LRRIQ3: variants seen among roughly 807,000 people sequenced by gnomAD.
LRRIQ3 encodes the protein leucine rich repeats and IQ motif containing 3.
A neutral mutation model predicts 59.3 loss-of-function variants in LRRIQ3; 75 were observed. The ratio of observed to expected loss-of-function variants is 1.26; its 90% confidence interval spans 1.05 to 1.53. LRRIQ3 has a LOEUF of 1.53. LRRIQ3 is among the 40% of genes most tolerant of loss of function. The pLI, the probability that LRRIQ3 is intolerant of heterozygous loss-of-function variation, is 0.00. For synonymous variants in LRRIQ3, 250 were observed against 231.3 expected, an observed-to-expected ratio of 1.08 and a Z score of -0.73; for missense variants, 831 against 710.0, an observed-to-expected ratio of 1.17 and a Z score of -1.94.
At chr1:74,156,252 C>T (rs1648320443) in intron 3 of LRRIQ3, among the ~76,000 whole-genome samples, 1 of 152,250 alleles carries the variant, frequency 6.6e-6, no homozygotes, top group South Asian at 2.1e-4. Context: ...CATTCACCTT[C>T]CACCATGATT....
chr1:74,066,591 G>A (rs1654873841), intron 6 of LRRIQ3, among the ~76,000 whole-genome samples: 2 of 152,232 alleles, frequency 1.3e-5, no homozygotes, highest in African/African-American at 2.4e-5. Flanking sequence ...GGAAAATTGA[G>A]TATACACATG....
intron 5 of LRRIQ3, among the ~76,000 whole-genome samples, chr1:74,075,694 G>A (rs753527179): frequency 1.3e-5 from 2 of 152,178 alleles, no homozygotes; most frequent in Non-Finnish European, 2.9e-5. Context: ...AACTGGTTGG[G>A]ATGTTTTAGT....
intron 4 of LRRIQ3, among the ~76,000 whole-genome samples, chr1:74,123,263 T>C (rs987750735): frequency 2.0e-5 from 3 of 152,052 alleles, no homozygotes; most frequent in Non-Finnish European, 4.4e-5. Context: ...TAATGGGGTA[T>C]CCATCACCTC....
intron 5 of LRRIQ3, among the ~76,000 whole-genome samples, chr1:74,098,738 G>C (rs1255428946): frequency 1.3e-5 from 2 of 152,156 alleles, no homozygotes; most frequent in African/African-American, 4.8e-5. Context: ...CTGGAACTCA[G>C]CATTCAGAAA....
At chr1:74,045,113 G>C (rs1176031507) in intron 6 of LRRIQ3, among the ~76,000 whole-genome samples, 1 of 151,918 alleles carries the variant, frequency 6.6e-6, no homozygotes, top group Non-Finnish European at 1.5e-5. Flanking sequence ...TCATTTTATG[G>C]GGCAAGCATC....
At chr1:74,161,453 A>G (rs1648654077) in intron 3 of LRRIQ3, among the ~76,000 whole-genome samples, 1 of 152,014 alleles carries the variant, frequency 6.6e-6, no homozygotes, top group Non-Finnish European at 1.5e-5. Flanking sequence ...GATTTCCACA[A>G]ATCTATATGT....
intron 6 of LRRIQ3, among the ~76,000 whole-genome samples, chr1:74,065,612 C>T (rs185341387): frequency 3.9e-5 from 6 of 152,164 alleles, no homozygotes; most frequent in East Asian, 3.9e-4. Flanking sequence ...AATCATATAT[C>T]GTTTAATCTG....
chr1:74,144,647 A>G, intron 4 of LRRIQ3: 1 of 196,692 alleles, frequency 5.1e-6, no homozygotes, highest in Non-Finnish European at 1.1e-5. Context: ...TTTTCTATAT[A>G]AAGCTAATTA....
intron 7 of LRRIQ3, among the ~76,000 whole-genome samples, chr1:74,034,836 T>A (rs1653821783): frequency 6.6e-6 from 1 of 152,006 alleles, no homozygotes; most frequent in South Asian, 2.1e-4. Context: ...TAGCACAGGC[T>A]TTTAAAAACA....
At chr1:74,073,957 T>C (rs927844603) in intron 6 of LRRIQ3, among the ~76,000 whole-genome samples, 2 of 152,250 alleles carry the variant, frequency 1.3e-5, no homozygotes, top group Admixed American at 6.5e-5. Context: ...TAAAATTTTA[T>C]CAGCAATAAG....
intron 5 of LRRIQ3, among the ~76,000 whole-genome samples, chr1:74,105,710 G>C (rs1325755490): frequency 7.2e-5 from 11 of 152,058 alleles, no homozygotes; most frequent in Non-Finnish European, 1.5e-5. Flanking sequence ...TTCACAGGGA[G>C]AATTGTATAT....
intron 5 of LRRIQ3, among the ~76,000 whole-genome samples, chr1:74,099,925 C>G (rs983593645): frequency 1.6e-4 from 24 of 151,996 alleles, no homozygotes; most frequent in African/African-American, 5.8e-4. Context: ...TAAGGGCTAT[C>G]TATGACAAAC....
At chr1:74,059,340 C>T (rs1209159749) in intron 6 of LRRIQ3, among the ~76,000 whole-genome samples, 2 of 151,886 alleles carry the variant, frequency 1.3e-5, no homozygotes, top group Admixed American at 6.6e-5. Flanking sequence ...AGGTTTACTC[C>T]CATCTTCTCT....
At chr1:74,092,554 A>C (rs982749416) in intron 5 of LRRIQ3, among the ~76,000 whole-genome samples, 2 of 151,964 alleles carry the variant, frequency 1.3e-5, no homozygotes, top group Admixed American at 1.3e-4. Context: ...ATGCTGACTG[A>C]GTGTGTTGTG....
chr1:74,101,344 A>C (rs913432513), intron 5 of LRRIQ3, among the ~76,000 whole-genome samples: 10 of 152,064 alleles, frequency 6.6e-5, no homozygotes, highest in East Asian at 1.9e-4. Context: ...AAATGCAAAT[A>C]AAAACCACAA....
intron 6 of LRRIQ3, among the ~76,000 whole-genome samples, chr1:74,073,411 C>A (rs1293104696): frequency 1.3e-5 from 2 of 151,938 alleles, no homozygotes; most frequent in African/African-American, 2.4e-5. Context: ...ACTTAGGAGG[C>A]TGAGGTGGAG....
chr1:74,131,178 G>A (rs56033001), intron 4 of LRRIQ3, among the ~76,000 whole-genome samples: 49,356 of 151,904 alleles, frequency 0.32, 9,622 homozygotes, highest in East Asian at 0.77. Context: ...AAACCAGGAG[G>A]AAGCTGAATC....
intron 5 of LRRIQ3, among the ~76,000 whole-genome samples, chr1:74,086,395 G>A (rs906851182): frequency 6.6e-6 from 1 of 152,052 alleles, no homozygotes; most frequent in Non-Finnish European, 1.5e-5. Context: ...GTTGCTAAAT[G>A]CTTCATGACA....
chr1:74,127,452 T>C (rs1432047505), intron 4 of LRRIQ3, among the ~76,000 whole-genome samples: 2 of 151,886 alleles, frequency 1.3e-5, no homozygotes, highest in Non-Finnish European at 2.9e-5. Context: ...TAGTGGTATG[T>C]TTTAATTTCT....
Sources: allele counts gnomAD v4.1 joint callset (sites outside exome capture counted in the v4.1 genomes callset), GRCh38; gene constraint gnomAD v4.1.1; transcripts MANE v1.5; gene names NCBI Gene and HGNC (gene_info 2026-07-23, HGNC 2026-07-21).